Variants in DYM observed in about 807,000 individuals in gnomAD.
The protein encoded by DYM is dyggve-Melchior-Clausen syndrome protein.
In DYM, 78 loss-of-function variants were observed where a neutral mutation model predicts 93.1. The observed-to-expected ratio is 0.84, with a 90% CI of 0.70 to 1.01. DYM has a LOEUF of 1.01. Among genes scored for constraint, DYM ranks in the 50% least tolerant of loss-of-function variants. The pLI, the probability that DYM is intolerant of heterozygous loss-of-function variation, is 0.00. For missense variants in DYM, 789 were observed against 845.0 expected, an observed-to-expected ratio of 0.93 and a Z score of 0.82; for synonymous variants, 321 against 319.7, an observed-to-expected ratio of 1.00 and a Z score of -0.04.
chr18:49,217,549 G>T (rs570214983), intron 13 of DYM, among the ~76,000 whole-genome samples: 27 of 152,162 alleles, frequency 1.8e-4, no homozygotes, highest in Admixed American at 4.6e-4. Flanking sequence ...GACTAACAGC[G>T]GATCTCTCGG....
chr18:49,216,480 G>A (rs922200202), intron 13 of DYM, among the ~76,000 whole-genome samples: 1 of 152,126 alleles, frequency 6.6e-6, no homozygotes, highest in African/African-American at 2.4e-5. Flanking sequence ...TGACCCCCGA[G>A]CAGCCTAACT....
chr18:49,115,060 C>A (rs2081799886), intron 16 of DYM, among the ~76,000 whole-genome samples: 2 of 152,158 alleles, frequency 1.3e-5, no homozygotes, highest in East Asian at 3.9e-4. Flanking sequence ...TGACAGTAAA[C>A]AAGTTAATTA....
At chr18:49,391,666 A>C (rs2069268355) in intron 2 of DYM, 21 bp from the exon 3 acceptor site, 4 of 1,604,210 alleles carry the variant, frequency 2.5e-6, no homozygotes, top group East Asian at 4.5e-5. Flanking sequence ...AGAAGAATAA[A>C]GGTAATTAAT....
At chr18:49,258,520 A>G (rs1175196316) in intron 11 of DYM, 27 bp from the exon 12 acceptor site, 4 of 1,355,104 alleles carry the variant, frequency 3.0e-6, no homozygotes, top group Non-Finnish European at 4.2e-6. Context: ...AAGTTTAAGT[A>G]AAAAATGATT....
rs547175515 is a variant in DYM, at chr18:49,423,221, G to T, written c.140+7034C>A. 1.1e-3 allele frequency among the ~76,000 whole-genome samples: 168 copies of T among 152,236 alleles called. 1 individual carries two copies. Among genetic ancestry groups the T allele is most frequent in the African/African-American group, 3.7e-3 (152 of 41,546 alleles). On this transcript the variant is annotated intron_variant, in intron 2 of 17. Coordinates refer to ENST00000675505, the MANE Select transcript of DYM (RefSeq NM_001353214.3). ...CTCAGACCACAGTGCAACCAAACTAGAACTCAGGATTAAGAAACTCACTCA... is the reference window on the plus strand; with the variant it reads ...CTCAGACCACAGTGCAACCAAACTATAACTCAGGATTAAGAAACTCACTCA...
chr18:49,457,973 C>G (rs1428869604), intron 1 of DYM, among the ~76,000 whole-genome samples: 1 of 152,172 alleles, frequency 6.6e-6, no homozygotes, highest in Admixed American at 6.5e-5. Context: ...GGCATAGATG[C>G]CCCCTAGAAA....
rs575570295 is a variant in DYM, at chr18:49,445,436, A to G, written c.-54+14962T>C. Among the ~76,000 whole-genome samples the G allele has an allele frequency of 2.0e-5, 3 of 152,308 alleles. No individual in the cohort carries two copies. In the South Asian group the frequency reaches 6.2e-4, roughly 32 times the overall value. On this transcript the variant is annotated intron_variant, in intron 1 of 17. Transcript: ENST00000675505. ...AGTAGGATGTCATAAAAAAGGAAAT[A>G]AAGAACAAGAAAGGACACCTGAAAT...
At chr18:49,244,752 G>C (rs1282667360) in intron 13 of DYM, among the ~76,000 whole-genome samples, 1 of 152,182 alleles carries the variant, frequency 6.6e-6, no homozygotes, top group African/African-American at 2.4e-5. Flanking sequence ...AGGCACACTG[G>C]TTCCTCCTTA....
intron 14 of DYM, among the ~76,000 whole-genome samples, chr18:49,175,577 A>T (rs1036807226): frequency 3.9e-5 from 6 of 152,200 alleles, no homozygotes; most frequent in Non-Finnish European, 8.8e-5. Context: ...CAAGAGCTAA[A>T]ATGATGTTGA....
chr18:49,108,922 C>A (rs1482257757), intron 16 of DYM, among the ~76,000 whole-genome samples: 2 of 152,228 alleles, frequency 1.3e-5, no homozygotes, highest in African/African-American at 4.8e-5. Context: ...GTTACGTCTC[C>A]TTGGTGAATT....
At chr18:49,093,322 T>C (rs1344653794) in intron 17 of DYM, 1 of 152,356 alleles carries the variant, frequency 6.6e-6, no homozygotes, top group East Asian at 1.9e-4. Flanking sequence ...CTGACAGCGT[T>C]GGAGCACAGG....
intron 14 of DYM, among the ~76,000 whole-genome samples, chr18:49,208,236 C>T (rs1026099496): frequency 4.7e-5 from 7 of 149,464 alleles, no homozygotes; most frequent in Admixed American, 4.7e-4. Context: ...TTATCCTGCA[C>T]ATTTCAGAAG....
At chr18:49,313,883 T>C (rs1599349419) in intron 8 of DYM, among the ~76,000 whole-genome samples, 1 of 152,186 alleles carries the variant, frequency 6.6e-6, no homozygotes, top group South Asian at 2.1e-4. Context: ...ACAAAGCCAC[T>C]GGTATAAATA....
intron 2 of DYM, among the ~76,000 whole-genome samples, chr18:49,426,923 T>C (rs1568426325): frequency 6.6e-6 from 1 of 152,176 alleles, no homozygotes; most frequent in Non-Finnish European, 1.5e-5. Context: ...AGTGCTTACC[T>C]TTAATTAGTA....
chr18:49,151,030 C>A (rs917509996), intron 15 of DYM, among the ~76,000 whole-genome samples: 20 of 152,176 alleles, frequency 1.3e-4, no homozygotes, highest in African/African-American at 4.8e-4. Flanking sequence ...TGACCTCCAA[C>A]AACCATCAAA....
intron 8 of DYM, among the ~76,000 whole-genome samples, chr18:49,304,671 G>A (rs1459825811): frequency 6.6e-6 from 1 of 152,038 alleles, no homozygotes; most frequent in East Asian, 1.9e-4. Context: ...AAACATCCCA[G>A]CTACCTTGAA....
chr18:49,448,841 G>A (rs2082307223), intron 1 of DYM, among the ~76,000 whole-genome samples: 2 of 152,180 alleles, frequency 1.3e-5, no homozygotes, highest in South Asian at 4.1e-4. Context: ...ACAGGGCATG[G>A]CCTTTTTACT....
chr18:49,145,359 T>C (rs781627120), intron 15 of DYM, among the ~76,000 whole-genome samples: 5 of 151,796 alleles, frequency 3.3e-5, no homozygotes, highest in African/African-American at 4.8e-5. Flanking sequence ...TGCCACCAAA[T>C]GGATATATAT....
intron 15 of DYM, among the ~76,000 whole-genome samples, chr18:49,147,965 C>T (rs369518285): frequency 1.7e-4 from 26 of 152,112 alleles, no homozygotes; most frequent in African/African-American, 2.7e-4. Flanking sequence ...AATGATAGAC[C>T]GGATTAAGAA....
Sources: allele counts gnomAD v4.1 joint callset (sites outside exome capture counted in the v4.1 genomes callset), GRCh38; gene constraint gnomAD v4.1.1; transcripts MANE v1.5; gene names NCBI Gene and HGNC (gene_info 2026-07-23, HGNC 2026-07-21).